The following CSMD1 variants were observed in gnomAD, a reference collection of about 807,000 sequenced individuals.
CSMD1 encodes the protein CUB and sushi domain-containing protein 1.
In CSMD1, 213 loss-of-function variants were observed where a neutral mutation model predicts 417.5. The observed-to-expected ratio is 0.51, with a 90% confidence interval of 0.46 to 0.57. The LOEUF (loss-of-function observed/expected upper bound fraction) is 0.57, where lower values mean the gene tolerates loss of function less well. CSMD1 is among the 20% of genes least tolerant of loss of function. The pLI is 0.00. For missense variants in CSMD1, 6,923 were observed against 4,529.7 expected (o/e 1.53, Z -15.17); for synonymous variants, 2,862 against 1,736.8 (o/e 1.65, Z -16.11).
At chr8:4,181,387 A>T (rs1001787629) in intron 3 of CSMD1, among the ~76,000 whole-genome samples, 1 of 151,958 alleles carries the variant, frequency 6.6e-6, no homozygotes, top group Non-Finnish European at 1.5e-5. Flanking sequence ...TGAATGCTTA[A>T]ACTATAAGGC....
At chr8:4,051,166 T>C (rs1196746345) in intron 3 of CSMD1, among the ~76,000 whole-genome samples, 2 of 151,982 alleles carry the variant, frequency 1.3e-5, no homozygotes, top group African/African-American at 4.8e-5. Context: ...AAAGCAGAAA[T>C]GGCAGCACAA....
intron 3 of CSMD1, 126 bp downstream of exon 3, chr8:4,419,827 G>A: frequency 3.2e-6 from 2 of 624,320 alleles, no homozygotes; most frequent in East Asian, 3.0e-5. Context: ...TTACACAGAA[G>A]CCAAATGTCT....
intron 5 of CSMD1, among the ~76,000 whole-genome samples, chr8:3,932,671 T>A (rs994363587): frequency 6.6e-6 from 1 of 150,506 alleles, no homozygotes; most frequent in Non-Finnish European, 1.5e-5. Flanking sequence ...AAAAAGCCGG[T>A]CCAATAAACT....
At chr8:4,169,692 TG>T (rs1797656276) in intron 3 of CSMD1, among the ~76,000 whole-genome samples, 1 of 152,138 alleles carries the variant, frequency 6.6e-6, no homozygotes, top group African/African-American at 2.4e-5. Flanking sequence ...GATGGCTCCC[TG>T]CCCTGTGCAT....
intron 1 of CSMD1, among the ~76,000 whole-genome samples, chr8:4,797,591 G>C (rs1019962311): frequency 2.0e-4 from 30 of 152,150 alleles, no homozygotes; most frequent in African/African-American, 6.8e-4. Flanking sequence ...AATTATTCCA[G>C]GGTATGGGGG....
chr8:3,501,048 A>G (rs1031064631), intron 10 of CSMD1, among the ~76,000 whole-genome samples: 2 of 152,226 alleles, frequency 1.3e-5, no homozygotes, highest in Non-Finnish European at 2.9e-5. Flanking sequence ...ATATTAATTT[A>G]TAAACAAAAT....
intron 2 of CSMD1, among the ~76,000 whole-genome samples, chr8:4,593,989 T>A (rs1160817433): frequency 6.6e-6 from 1 of 151,972 alleles, no homozygotes; most frequent in Non-Finnish European, 1.5e-5. Context: ...ACCCTTCTTG[T>A]CTCTCCACAC....
chr8:3,170,240 C>G (rs995923803), intron 37 of CSMD1, among the ~76,000 whole-genome samples: 1 of 152,194 alleles, frequency 6.6e-6, no homozygotes, highest in Non-Finnish European at 1.5e-5. Context: ...CGGAGTCTCG[C>G]TCTGTGGCCC....
At chr8:3,299,622 G>A (rs1398815851) in intron 25 of CSMD1, among the ~76,000 whole-genome samples, 1 of 152,066 alleles carries the variant, frequency 6.6e-6, no homozygotes, top group African/African-American at 2.4e-5. Context: ...ACAAAGTGTG[G>A]GAAGGCTCTT....
At chr8:4,092,868 A>C (rs769908698) in intron 3 of CSMD1, among the ~76,000 whole-genome samples, 62 of 152,276 alleles carry the variant, frequency 4.1e-4, no homozygotes, top group Non-Finnish European at 7.1e-4. Context: ...TATAAGTAGA[A>C]TTTAAATAAT....
At chr8:3,881,673 CAAAA>C (rs769463785) in intron 5 of CSMD1, among the ~76,000 whole-genome samples, 1 of 140,820 alleles carries the variant, frequency 7.1e-6, no homozygotes, top group Non-Finnish European at 1.6e-5. Context: ...CAAAAGAAAA[CAAAA>C]AAAAACAATT....
At chr8:4,923,398 T>C (rs990023769) in intron 1 of CSMD1, among the ~76,000 whole-genome samples, 1 of 152,196 alleles carries the variant, frequency 6.6e-6, no homozygotes, top group Non-Finnish European at 1.5e-5. Context: ...GATTGTTTGA[T>C]ACTCAAAGGA....
chr8:3,107,900 T>C lies in CSMD1; in HGVS notation c.6755-102A>G, dbSNP rs1585368305. The C allele has an allele frequency of 7.0e-6, 5 of 716,730 alleles. No homozygotes were observed. The East Asian group carries it at 1.2e-4, about 17-fold the overall frequency. 44.4% of individuals were successfully genotyped at this position (716,730 alleles called of 1,614,324 possible). On this transcript the variant is annotated intron_variant, in intron 44 of 69. Coordinates refer to ENST00000635120, the MANE Select transcript of CSMD1 (RefSeq NM_033225.6). ...TCTTGCAGTTGTTATAATGCTTAAG[T>C]ACACGGACTGAAATGTCTCTATTCC...
chr8:4,118,609 G>C (rs1290389837), intron 3 of CSMD1, among the ~76,000 whole-genome samples: 2 of 152,184 alleles, frequency 1.3e-5, no homozygotes, highest in East Asian at 3.9e-4. Context: ...TGGCAAGGCT[G>C]TGGAGACTTA....
intron 3 of CSMD1, among the ~76,000 whole-genome samples, chr8:4,200,994 C>T (rs1033605710): frequency 2.6e-5 from 4 of 152,088 alleles, no homozygotes; most frequent in African/African-American, 4.8e-5. Context: ...TTCTCCACAG[C>T]GCCGTTCATA....
At chr8:3,611,319 A>C (rs1801883248) in intron 8 of CSMD1, among the ~76,000 whole-genome samples, 1 of 152,082 alleles carries the variant, frequency 6.6e-6, no homozygotes, top group Non-Finnish European at 1.5e-5. Flanking sequence ...ACACTTGAAT[A>C]CGTAATGTGT....
chr8:3,546,416 G>C lies in CSMD1; in HGVS notation c.1344+28529C>G, dbSNP rs145392733. Among the ~76,000 whole-genome samples the C allele has an allele frequency of 9.9e-5, 15 of 151,794 alleles. No individual in the cohort carries two copies. In the South Asian group the frequency reaches 1.0e-3, roughly 11 times the overall value. Reference sequence around the variant, plus strand: ...CTGGGTTTGGTGGCATATTCCTGTAGTCCCAGCTACTTGGGAGGCTGAGGC... The same window carrying C: ...CTGGGTTTGGTGGCATATTCCTGTACTCCCAGCTACTTGGGAGGCTGAGGC... On this transcript the variant is annotated intron_variant, in intron 10 of 69. Coordinates refer to ENST00000635120, the MANE Select transcript of CSMD1 (RefSeq NM_033225.6).
At chr8:3,870,193 A>G (rs915196173) in intron 5 of CSMD1, among the ~76,000 whole-genome samples, 15 of 152,226 alleles carry the variant, frequency 9.9e-5, no homozygotes, top group African/African-American at 3.4e-4. Flanking sequence ...CAGAAAGTCA[A>G]GAAGAAAATG....
At chr8:3,083,610 TTA>T (rs1554507974) in intron 49 of CSMD1, among the ~76,000 whole-genome samples, 1,138 of 30,776 alleles carry the variant, frequency 0.037, 19 homozygotes, top group African/African-American at 0.055. Flanking sequence ...ACCATAATTT[TTA>T]TATATATATA....
Sources: gnomAD v4.1 joint callset for allele counts (sites outside exome capture counted in the v4.1 genomes callset) on GRCh38, gnomAD v4.1.1 for gene constraint, MANE v1.5 for transcripts, NCBI Gene and HGNC (gene_info 2026-07-23, HGNC 2026-07-21) for gene names.